Variants in SGMS1 observed in about 807,000 individuals in gnomAD.
SGMS1 encodes the protein phosphatidylcholine:ceramide cholinephosphotransferase 1.
SGMS1 carries 13 observed loss-of-function variants against 46.2 expected under a neutral mutation model. The observed-to-expected ratio is 0.28, with a 90% CI of 0.18 to 0.45. The LOEUF (loss-of-function observed/expected upper bound fraction) is 0.45, where lower values mean the gene tolerates loss of function less well. Among genes scored for constraint, SGMS1 ranks in the 20% least tolerant of loss-of-function variants. The pLI, the probability that SGMS1 is intolerant of heterozygous loss-of-function variation, is 1.00. For synonymous variants in SGMS1, 203 were observed against 187.8 expected (o/e 1.08, Z -0.66); for missense variants, 324 against 519.9 (o/e 0.62, Z 3.66).
intron 5 of SGMS1, among the ~76,000 whole-genome samples, chr10:50,452,217 T>G (rs1449381584): frequency 6.6e-6 from 1 of 152,158 alleles, no homozygotes; most frequent in Non-Finnish European, 1.5e-5. Flanking sequence ...CTCATTTTGA[T>G]AAATAATATC....
At chr10:50,593,632 C>T (rs529922040) in intron 1 of SGMS1, among the ~76,000 whole-genome samples, 5 of 152,146 alleles carry the variant, frequency 3.3e-5, no homozygotes, top group Admixed American at 3.3e-4. Context: ...CTTGGCTCCT[C>T]TTTATGGTTT....
intron 2 of SGMS1, among the ~76,000 whole-genome samples, chr10:50,564,962 T>C (rs945016894): frequency 8.5e-5 from 13 of 152,176 alleles, no homozygotes; most frequent in African/African-American, 3.1e-4. Context: ...CTCAGCTGGC[T>C]GCAGGTTTTG....
intron 6 of SGMS1, among the ~76,000 whole-genome samples, chr10:50,379,045 C>A (rs1007279604): frequency 1.3e-5 from 2 of 152,084 alleles, no homozygotes; most frequent in Admixed American, 6.6e-5. Context: ...TAGACAAGTA[C>A]AAATAACATA....
At chr10:50,341,734 C>G (rs972443435) in intron 7 of SGMS1, among the ~76,000 whole-genome samples, 2 of 151,878 alleles carry the variant, frequency 1.3e-5, no homozygotes, top group African/African-American at 2.4e-5. Flanking sequence ...TGGTTTCTTG[C>G]TTTGAGCAAT....
chr10:50,374,779 A>G lies in SGMS1; in HGVS notation c.-231-30434T>C, dbSNP rs115992254. 9.1e-3 allele frequency among the ~76,000 whole-genome samples: 1,380 copies of G among 152,122 alleles called. 23 individuals carry two copies. Among genetic ancestry groups the G allele is most frequent in the African/African-American group, 0.032 (1,307 of 41,472 alleles). On this transcript the variant is annotated intron_variant, in intron 6 of 10. Transcript: ENST00000361781. ...CCACTGTTTCTCTAATATGCCTACT[A>G]TGCTCTACCTGAGTCTTTGCACTTG...
chr10:50,552,612 A>T (rs1337167205), intron 2 of SGMS1, among the ~76,000 whole-genome samples: 2 of 152,240 alleles, frequency 1.3e-5, no homozygotes, highest in Non-Finnish European at 2.9e-5. Context: ...GTTGACGTTA[A>T]GCATACTCCT....
chr10:50,562,355 TGC>T (rs1554792514), intron 2 of SGMS1, among the ~76,000 whole-genome samples: 4 of 133,424 alleles, frequency 3.0e-5, no homozygotes, highest in African/African-American at 9.0e-5. Flanking sequence ...TGTGTGTGTG[TGC>T]GCGCGCGCAC....
chr10:50,388,965 T>C (rs1187326380), intron 6 of SGMS1, among the ~76,000 whole-genome samples: 2 of 152,174 alleles, frequency 1.3e-5, no homozygotes, highest in South Asian at 2.1e-4. Context: ...ATACTGTATA[T>C]GGGATTCTTA....
intron 3 of SGMS1, among the ~76,000 whole-genome samples, chr10:50,500,178 T>TAATA (rs1352329889): frequency 1.3e-5 from 2 of 151,892 alleles, no homozygotes; most frequent in African/African-American, 4.8e-5. Context: ...AAAAACAAAC[T>TAATA]AACAAACAAA....
chr10:50,419,776 C>T (rs1849230748), intron 6 of SGMS1, among the ~76,000 whole-genome samples: 1 of 152,284 alleles, frequency 6.6e-6, no homozygotes, highest in African/African-American at 2.4e-5. Flanking sequence ...ATTAAACGTT[C>T]TTTGCTTTGG....
At chr10:50,526,970 C>T (rs1369879596) in intron 2 of SGMS1, among the ~76,000 whole-genome samples, 1 of 144,886 alleles carries the variant, frequency 6.9e-6, no homozygotes, top group African/African-American at 2.6e-5. Context: ...GAGGCTGAGG[C>T]AGGAGAATCG....
At chr10:50,412,147 G>A (rs567705119) in intron 6 of SGMS1, among the ~76,000 whole-genome samples, 14 of 152,226 alleles carry the variant, frequency 9.2e-5, no homozygotes, top group Admixed American at 7.2e-4. Context: ...GCAAGCTGCT[G>A]GGGGCAGAGG....
intron 2 of SGMS1, among the ~76,000 whole-genome samples, chr10:50,541,950 G>GT: frequency 6.6e-6 from 1 of 152,176 alleles, no homozygotes; most frequent in South Asian, 2.1e-4. Context: ...CTGCCAACAA[G>GT]TTTTAATGGA....
intron 3 of SGMS1, among the ~76,000 whole-genome samples, chr10:50,494,924 T>C (rs2133745704): frequency 6.6e-6 from 1 of 150,706 alleles, no homozygotes; most frequent in East Asian, 1.9e-4. Flanking sequence ...TAGTCCCAGC[T>C]ACTTGGGAGG....
chr10:50,617,223 A>G (rs193194344), intron 1 of SGMS1, among the ~76,000 whole-genome samples: 94 of 152,396 alleles, frequency 6.2e-4, no homozygotes, highest in African/African-American at 2.0e-3. Context: ...TTATACACTT[A>G]AAATGGTTAA....
intron 5 of SGMS1, among the ~76,000 whole-genome samples, chr10:50,437,684 A>T (rs1849492718): frequency 6.6e-6 from 1 of 152,234 alleles, no homozygotes; most frequent in South Asian, 2.1e-4. Flanking sequence ...ACTGCTAATG[A>T]TTCTAACCTG....
intron 9 of SGMS1, 118 bp downstream of exon 9, chr10:50,311,144 C>T (rs537307716): frequency 3.3e-6 from 4 of 1,225,784 alleles, no homozygotes; most frequent in Non-Finnish European, 4.6e-6. Context: ...AGCTGCAAGC[C>T]TCCTGAAGCC....
At chr10:50,502,781 A>C (rs963916028) in intron 3 of SGMS1, among the ~76,000 whole-genome samples, 1 of 152,212 alleles carries the variant, frequency 6.6e-6, no homozygotes, top group Non-Finnish European at 1.5e-5. Context: ...AAAAATTTGC[A>C]ACTTTATAAA....
chr10:50,450,397 T>C (rs1210066), intron 5 of SGMS1, among the ~76,000 whole-genome samples: 85,136 of 151,950 alleles, frequency 0.56, 24,168 homozygotes, highest in Non-Finnish European at 0.59. Context: ...CTTTGATTTA[T>C]TCACTTTAAC....
Sources: allele counts gnomAD v4.1 joint callset (sites outside exome capture counted in the v4.1 genomes callset), GRCh38; gene constraint gnomAD v4.1.1; transcripts MANE v1.5; gene names NCBI Gene and HGNC (gene_info 2026-07-23, HGNC 2026-07-21).